Variants in GFI1B observed in about 807,000 individuals in gnomAD.
GFI1B encodes growth factor independent 1B transcriptional repressor, also known as zinc finger protein Gfi-1b.
Under a neutral mutation model 35.3 loss-of-function variants are expected in GFI1B, and 20 were observed. That is an observed-to-expected ratio of 0.57 (90% CI 0.40 to 0.82). The LOEUF is 0.82. Ranked by LOEUF, GFI1B falls within the 40% of genes least tolerant of loss-of-function variation. GFI1B has a pLI of 0.00. For synonymous variants in GFI1B, 178 were observed against 177.6 expected, an observed-to-expected ratio of 1.00 and a Z score of -0.02; for missense variants, 430 against 446.3, an observed-to-expected ratio of 0.96 and a Z score of 0.33.
chr9:132,947,827 A>C (rs1301483459), intron 1 of GFI1B, among the ~76,000 whole-genome samples: 1 of 134,908 alleles, frequency 7.4e-6, no homozygotes, highest in Non-Finnish European at 1.6e-5. Flanking sequence ...AAAAAAAAAA[A>C]AAACTAAACT....
At chr9:132,962,263 A>G (rs1025539228) in intron 1 of GFI1B, among the ~76,000 whole-genome samples, 2 of 150,940 alleles carry the variant, frequency 1.3e-5, no homozygotes, top group African/African-American at 4.9e-5. Context: ...TAAGCCTCCC[A>G]AGTAGCTGGG....
At chr9:132,963,081 CA>C (rs763899545) in intron 1 of GFI1B, among the ~76,000 whole-genome samples, 2,695 of 47,952 alleles carry the variant, frequency 0.056, 50 homozygotes, top group African/African-American at 0.18. Flanking sequence ...GACTCCATCT[CA>C]AAAAAAAAAA....
At chr9:132,972,629 ATTC>A (rs1848550020) in intron 1 of GFI1B, 1 of 152,182 alleles carries the variant, frequency 6.6e-6, no homozygotes, top group Non-Finnish European at 1.5e-5. Context: ...ACAGGTGCAT[ATTC>A]TTCTTTTTCT....
intron 1 of GFI1B, among the ~76,000 whole-genome samples, chr9:132,955,171 A>G (rs900620694): frequency 6.6e-6 from 1 of 152,216 alleles, no homozygotes; most frequent in Non-Finnish European, 1.5e-5. Context: ...AACATTTTTT[A>G]TAAAATGAGC....
At chr9:132,988,540 T>G in intron 4 of GFI1B, 72 bp downstream of exon 4, 29 of 1,389,200 alleles carry the variant, frequency 2.1e-5, no homozygotes, top group Non-Finnish European at 2.6e-5. Context: ...CTGGCAGCTC[T>G]GGGCGTTCTC....
Position 132,989,995 on chromosome 9 carries a change from T to TG in GFI1B, c.814+93dup. On this transcript the variant is annotated intron_variant, in intron 6 of 6. Transcript: ENST00000372122. The surrounding 1 kb of genome is among the most constrained non-coding windows in gnomAD (Gnocchi z 6.2). ...GCATCAGAGGCCCCCAGCGTGAGGC[T>TG]GGGGGCGGGGTCTAGTTACAAAGTC... 4.2e-6 allele frequency: 5 copies of TG among 1,182,836 alleles called. No individual in the cohort carries two copies. In the South Asian group the frequency reaches 6.6e-5, roughly 16 times the overall value. The allele number at this position is 1,182,836 out of a possible 1,614,324, so 73.3% of individuals were successfully genotyped here. A position where few individuals can be genotyped will look rare whatever the true frequency, so the allele number is the denominator to read the frequency against.
upstream of GFI1B, among the ~76,000 whole-genome samples, chr9:132,977,280 T>C (rs999835207): frequency 6.6e-6 from 1 of 152,078 alleles, no homozygotes; most frequent in African/African-American, 2.4e-5. Context: ...TTTAAAAAGA[T>C]GTTTCTTTCC....
chr9:132,977,261 T>C (rs1360912487), upstream of GFI1B, among the ~76,000 whole-genome samples: 1 of 151,978 alleles, frequency 6.6e-6, no homozygotes, highest in Non-Finnish European at 1.5e-5. Context: ...GCCCAGCCAA[T>C]AATAATTTTT....
At chr9:132,985,165 T>C (rs551529047) in intron 1 of GFI1B, among the ~76,000 whole-genome samples, 9 of 152,258 alleles carry the variant, frequency 5.9e-5, no homozygotes, top group African/African-American at 1.7e-4. Context: ...CACCAGAAGA[T>C]GCTCTCCAGA....
At chr9:132,966,860 A>G (rs73660570) in intron 1 of GFI1B, among the ~76,000 whole-genome samples, 161 of 152,320 alleles carry the variant, frequency 1.1e-3, no homozygotes, top group African/African-American at 3.2e-3. Context: ...GAATCCAACC[A>G]AGCCTAGGAC....
chr9:132,962,648 G>A (rs533192966), intron 1 of GFI1B: 2 of 494,458 alleles, frequency 4.0e-6, no homozygotes, highest in Non-Finnish European at 4.0e-6. Context: ...TATTGAAGAA[G>A]AACCAAGCTG....
intron 1 of GFI1B, among the ~76,000 whole-genome samples, chr9:132,947,688 A>C (rs1440809602): frequency 6.6e-6 from 1 of 151,950 alleles, no homozygotes; most frequent in African/African-American, 2.4e-5. Context: ...GGGTACCTAT[A>C]ATCCAAGCTA....
Position 132,991,286 on chromosome 9 carries a change from G to A in GFI1B, c.*236G>A. ...CCTGGCTGGGTCTTTCTCAGCAGAA[G>A]TTGTTTCCAGGTGTGCTCAAGTGCC... is the stretch of plus-strand genomic sequence containing the variant. On this transcript the variant is annotated 3_prime_UTR_variant, in exon 7 of 7. Coordinates refer to ENST00000372122, the MANE Select transcript of GFI1B (RefSeq NM_001377304.1). The A allele has an allele frequency of 1.7e-6, 1 of 573,516 alleles. No homozygotes were observed. 35.5% of individuals were successfully genotyped at this position (573,516 alleles called of 1,614,324 possible).
chr9:132,979,114 A>AC (rs1365907574), intron 1 of GFI1B, among the ~76,000 whole-genome samples: 2 of 152,202 alleles, frequency 1.3e-5, no homozygotes, highest in East Asian at 3.8e-4. Flanking sequence ...TCGGGCACAA[A>AC]GTCATACCCA....
intron 1 of GFI1B, chr9:132,946,851 G>A (rs909014341): frequency 2.6e-5 from 4 of 152,322 alleles, no homozygotes; most frequent in African/African-American, 7.2e-5. Flanking sequence ...TCACTTTCCA[G>A]GGGGCCATAA....
intron 3 of GFI1B, 25 bp from the exon 4 acceptor site, chr9:132,988,172 C>G (rs771246415): frequency 1.9e-6 from 3 of 1,611,222 alleles, no homozygotes; most frequent in African/African-American, 2.7e-5. Flanking sequence ...AATGAGTAAC[C>G]AGGCCTGTGT....
rs1450300232 is a variant in GFI1B at position 132,987,322 on chromosome 9, CACTCTATTCCCAAACCAGTGCCTGG to C, written c.145_169del (p.Leu49GlyfsTer110). 1.2e-6 allele frequency: 2 copies of C among 1,614,046 alleles called. No homozygotes were observed. On this transcript the variant is annotated frameshift_variant, in exon 3 of 7. Transcript: ENST00000372122. LOFTEE classifies it high-confidence loss of function. The stretch of plus-strand genomic sequence containing the variant: ...CTCCAAGCAACAGCCCTGTCCTTAG[CACTCTATTCCCAAACCAGTGCCTGG>C]ACTGGACCAACCTCAAACGAGAGCC...
chr9:132,950,240 C>A (rs1554824127), intron 1 of GFI1B, among the ~76,000 whole-genome samples: 1 of 152,192 alleles, frequency 6.6e-6, no homozygotes, highest in South Asian at 2.1e-4. Context: ...CCTTTCTTCA[C>A]CCACATCACA....
intron 3 of GFI1B, 148 bp from the exon 4 acceptor site, chr9:132,988,049 T>C (rs1237175141): frequency 1.4e-6 from 1 of 710,086 alleles, no homozygotes; most frequent in African/African-American, 1.7e-5. Context: ...TTTCACCACG[T>C]TGGTCCGCCT....
Sources: gnomAD v4.1 joint callset for allele counts (sites outside exome capture counted in the v4.1 genomes callset) on GRCh38, gnomAD v4.1.1 for gene constraint, Gnocchi (gnomAD v3.1) non-coding constraint, MANE v1.5 for transcripts, NCBI Gene and HGNC (gene_info 2026-07-23, HGNC 2026-07-21) for gene names.